UNC13A: variants seen among roughly 807,000 people sequenced by gnomAD.
UNC13A encodes unc-13 homolog A, also known as protein unc-13 homolog A.
UNC13A carries 61 observed loss-of-function variants against 219.7 expected under a neutral mutation model. The observed-to-expected ratio is 0.28, with a 90% confidence interval of 0.23 to 0.34. The LOEUF is 0.34. Ranked by LOEUF, UNC13A falls within the 10% of genes least tolerant of loss-of-function variation. UNC13A has a pLI of 1.00. For synonymous variants in UNC13A, 920 were observed against 884.6 expected (o/e 1.04, Z -0.71); for missense variants, 1,476 against 2,270.3 (o/e 0.65, Z 7.11).
rs2079878580 is a variant in UNC13A, at chr19:17,675,461, A to G, written c.52+551T>C. On this transcript the variant is annotated intron_variant, in intron 2 of 43. Coordinates refer to ENST00000519716, the MANE Select transcript of UNC13A (RefSeq NM_001080421.3). ...AGCCTGGCCAACATGGCGAAACCCC[A>G]TCTCTACTAAAAATAAAAAAATTAG... 5.3e-5 allele frequency among the ~76,000 whole-genome samples: 8 copies of G among 151,582 alleles called. No homozygotes were observed. The South Asian group carries it at 1.7e-3, about 32-fold the overall frequency.
rs2076959938 is a variant in UNC13A, at chr19:17,640,783, C to T, written c.2637-122G>A. On this transcript the variant is annotated intron_variant, in intron 21 of 43. Coordinates refer to ENST00000519716, the MANE Select transcript of UNC13A (RefSeq NM_001080421.3). Reference sequence around the variant, plus strand: ...TCTCTGTCACCTCCTAAACCATCCCCTGCCTGATTCTGTCCTTTGGGTCTC... The same window carrying T: ...TCTCTGTCACCTCCTAAACCATCCCTTGCCTGATTCTGTCCTTTGGGTCTC... 5.6e-6 allele frequency: 6 copies of T among 1,068,124 alleles called. No homozygotes were observed. The South Asian group carries it at 8.5e-5, about 15-fold the overall frequency. The allele number at this position is 1,068,124 out of a possible 1,614,324, so 66.2% of individuals were successfully genotyped here. A position where few individuals can be genotyped will look rare whatever the true frequency, so the allele number is the denominator to read the frequency against.
chr19:17,647,518 AC>A (rs767853367), intron 16 of UNC13A, 26 bp from the exon 17 acceptor site: 2 of 1,600,040 alleles, frequency 1.2e-6, no homozygotes, highest in Non-Finnish European at 1.7e-6. Flanking sequence ...GCCGGCGCTG[AC>A]CCCAGCGCGC....
Position 17,630,164 on chromosome 19 carries a change from T to C in UNC13A, c.3650A>G (p.Tyr1217Cys). 6.4e-7 allele frequency: 1 copy of C among 1,552,094 alleles called. No homozygotes were observed. Among genetic ancestry groups the C allele is most frequent in the Non-Finnish European group, 8.7e-7 (1 of 1,147,104 alleles). Reference sequence around the variant, plus strand: ...CCACACCTTGGCAAAGCGCCTCATGTAGTGCCCCACGATCTGAGGGTCGGG... The same window carrying C: ...CCACACCTTGGCAAAGCGCCTCATGCAGTGCCCCACGATCTGAGGGTCGGG... ...ECPDPQIVGHYMRRFAKTISN... is the reference protein window; with the variant it reads ...ECPDPQIVGHCMRRFAKTISN... Residue 1217 changes from tyrosine (Y) to cysteine (C), a missense_variant, in exon 30 of 44, where the codon TAC becomes TGC. Transcript: ENST00000519716.
Position 17,648,951 on chromosome 19 carries a change from G to A in UNC13A, c.1557C>T (p.Thr519=). Residue 519 remains threonine (T), a synonymous_variant, in exon 15 of 44, where the codon ACC becomes ACT. Coordinates refer to ENST00000519716, the MANE Select transcript of UNC13A (RefSeq NM_001080421.3). ...SLVQSRKAGI[T]SALASSTLNN... ...TCAACGTGCTGGAGGCCAAGGCCGA[G>A]GTGATGCCCGCTTTCCTGGACTGGA... 6.2e-7 allele frequency: 1 copy of A among 1,605,568 alleles called. No individual in the cohort carries two copies. The highest frequency in any genetic ancestry group is 1.3e-5 in the African/African-American group (1 of 74,944).
chr19:17,634,872 G>GT (rs1353689772), intron 26 of UNC13A, among the ~76,000 whole-genome samples: 4 of 150,816 alleles, frequency 2.7e-5, no homozygotes, highest in African/African-American at 7.3e-5. Flanking sequence ...TTTTTGTTTT[G>GT]TTTTTTCTGT....
intron 41 of UNC13A, chr19:17,613,674 T>C (rs537198808): frequency 6.6e-6 from 1 of 151,878 alleles, no homozygotes; most frequent in East Asian, 1.9e-4. Flanking sequence ...TTACCCCTAT[T>C]TCCCTTCTAG....
intron 41 of UNC13A, among the ~76,000 whole-genome samples, chr19:17,615,235 G>A (rs1354729297): frequency 6.6e-6 from 1 of 152,232 alleles, no homozygotes; most frequent in African/African-American, 2.4e-5. Flanking sequence ...TGTAATCCCA[G>A]CACTTTGGGA....
intron 40 of UNC13A, 78 bp from the exon 41 acceptor site, chr19:17,617,927 C>T: frequency 1.3e-6 from 2 of 1,556,158 alleles, no homozygotes; most frequent in South Asian, 1.1e-5. Flanking sequence ...CCCTGCTGTC[C>T]CCACTCCCAA....
intron 22 of UNC13A, 130 bp from the exon 23 acceptor site, chr19:17,640,038 T>A: frequency 1.1e-6 from 1 of 875,162 alleles, no homozygotes. Flanking sequence ...TCTATGGCAT[T>A]TTTTTTTTTG....
At chr19:17,639,038 T>G in intron 25 of UNC13A, 45 bp downstream of exon 25, 1 of 1,536,560 alleles carries the variant, frequency 6.5e-7, no homozygotes. Context: ...GAAGCCTGTG[T>G]CTAGTTGGCA....
intron 2 of UNC13A, among the ~76,000 whole-genome samples, chr19:17,675,523 T>C (rs955085008): frequency 6.6e-6 from 1 of 150,786 alleles, no homozygotes; most frequent in African/African-American, 2.4e-5. Flanking sequence ...TCCCAGCTAC[T>C]TGGGAGGCTG....
At chr19:17,638,947 G>T in intron 25 of UNC13A, 136 bp downstream of exon 25, 1 of 1,029,592 alleles carries the variant, frequency 9.7e-7, no homozygotes, top group Non-Finnish European at 1.3e-6. Flanking sequence ...CCTGAGATGT[G>T]GGTTAATGAC....
intron 26 of UNC13A, among the ~76,000 whole-genome samples, chr19:17,634,935 A>G (rs2076897392): frequency 6.6e-6 from 1 of 151,898 alleles, no homozygotes. Flanking sequence ...GCAGTGGCCA[A>G]TCTCGGCTCA....
chr19:17,612,625 A>G (rs1189673039), intron 41 of UNC13A, among the ~76,000 whole-genome samples: 2 of 152,232 alleles, frequency 1.3e-5, no homozygotes, highest in East Asian at 3.9e-4. Context: ...AGGCAAACTC[A>G]CTTGAGCTCA....
Position 17,655,342 on chromosome 19 carries a change from C to T in UNC13A, c.1324G>A (p.Asp442Asn), listed in dbSNP as rs1461018784. The T allele has an allele frequency of 1.9e-6, 3 of 1,590,902 alleles. No individual in the cohort carries two copies. The highest frequency in any genetic ancestry group is 1.7e-4 in the Middle Eastern group (1 of 6,036). ...TTGGCCTTGGCCCTGGACATGGAGT[C>T]CTGCCCCTCCTGGCCTTCCTCATCC... ...REDEEGQEGQ[D>N]SMSRAKANWL... is the part of the protein sequence containing the mutation. The change falls in exon 11 of 44, where the codon GAC (aspartate) becomes AAC (asparagine). Residue 442 changes from aspartate (D) to asparagine (N), a missense_variant. Transcript: ENST00000519716.
intron 1 of UNC13A, among the ~76,000 whole-genome samples, chr19:17,677,293 C>A (rs2079916849): frequency 6.6e-6 from 1 of 152,082 alleles, no homozygotes; most frequent in South Asian, 2.1e-4. Flanking sequence ...TCCATTAATT[C>A]TCTACTCCCA....
rs551434980 is a variant in UNC13A at position 17,617,274 on chromosome 19, G to A, written c.4558+428C>T. On this transcript the variant is annotated intron_variant, in intron 41 of 43. Transcript: ENST00000519716. ...TCCCAGAGCTGTCAACGATTCCCTG[G>A]ACCCATGACTGTCCAGGTCCCTCAG... Among the ~76,000 whole-genome samples, 9 of 152,198 alleles carry A rather than the reference G, an allele frequency of 5.9e-5. No homozygotes were observed. The East Asian group carries it at 1.7e-3, about 29-fold the overall frequency.
intron 15 of UNC13A, 80 bp downstream of exon 15, chr19:17,648,832 A>G: frequency 6.6e-7 from 1 of 1,522,788 alleles, no homozygotes; most frequent in Middle Eastern, 1.8e-4. Context: ...CTTCCCGGGG[A>G]CCCACAGAGG....
At chr19:17,681,296 C>A (rs939295189) in intron 1 of UNC13A, among the ~76,000 whole-genome samples, 2 of 151,780 alleles carry the variant, frequency 1.3e-5, no homozygotes, top group Admixed American at 6.6e-5. Context: ...GAGATCCAGC[C>A]GTCTAGGGCT....
Sources: gnomAD v4.1 joint callset for allele counts (sites outside exome capture counted in the v4.1 genomes callset) on GRCh38, gnomAD v4.1.1 for gene constraint, MANE v1.5 for transcripts, NCBI Gene and HGNC (gene_info 2026-07-23, HGNC 2026-07-21) for gene names.